The following SYT17 variants were observed in gnomAD, a reference collection of about 807,000 sequenced individuals.
SYT17 encodes synaptotagmin 17, also known as synaptotagmin-17.
In SYT17, 22 loss-of-function variants were observed where a neutral mutation model predicts 46.7. The observed-to-expected ratio is 0.47, with a 90% CI of 0.34 to 0.67. The LOEUF (loss-of-function observed/expected upper bound fraction) is 0.67. SYT17 is among the 30% of genes least tolerant of loss of function. The probability of loss-of-function intolerance (pLI) is 0.01; values close to 1 mark genes in which losing one functional copy is unlikely to be tolerated. For missense variants in SYT17, 519 were observed against 612.8 expected (o/e 0.85, Z 1.62); for synonymous variants, 251 against 248.4 (o/e 1.01, Z -0.10).
At chr16:19,195,400 C>CTT (rs35709095) in intron 5 of SYT17, among the ~76,000 whole-genome samples, 50 of 140,028 alleles carry the variant, frequency 3.6e-4, no homozygotes, top group African/African-American at 1.1e-3. Context: ...CAAAACAAAC[C>CTT]TTTTTTTTTT....
Position 19,168,828 on chromosome 16 carries a change from C to T in SYT17, c.15+167C>T, listed in dbSNP as rs1963968522. ...ACCTGTGCAGCAACAGGGGTGCGCCCCGGGAGGAGAGACTGGGGACCCCCA... is the reference window on the plus strand; with the variant it reads ...ACCTGTGCAGCAACAGGGGTGCGCCTCGGGAGGAGAGACTGGGGACCCCCA... On this transcript the variant is annotated intron_variant, in intron 1 of 7. Coordinates refer to ENST00000355377, the MANE Select transcript of SYT17 (RefSeq NM_016524.4). The surrounding 1 kb of genome is among the most constrained non-coding windows in gnomAD (Gnocchi z 6.9). 6.6e-6 allele frequency among the ~76,000 whole-genome samples: 1 copy of T among 152,080 alleles called. No homozygotes were observed. The highest frequency in any genetic ancestry group is 2.1e-4 in the South Asian group (1 of 4,828).
At chr16:19,258,079 G>A (rs970977276) in intron 7 of SYT17, among the ~76,000 whole-genome samples, 3 of 152,064 alleles carry the variant, frequency 2.0e-5, no homozygotes, top group African/African-American at 7.2e-5. Flanking sequence ...CTCCTATGGT[G>A]AGGAACAAAT....
intron 5 of SYT17, 30 bp from the exon 6 acceptor site, chr16:19,223,015 C>T: frequency 1.2e-6 from 2 of 1,612,608 alleles, no homozygotes; most frequent in Non-Finnish European, 1.7e-6. Context: ...AAGGAGAAGG[C>T]AACTTCCTGA....
intron 5 of SYT17, among the ~76,000 whole-genome samples, chr16:19,221,066 G>A (rs1349553462): frequency 2.0e-5 from 3 of 151,734 alleles, no homozygotes; most frequent in Non-Finnish European, 4.4e-5. Flanking sequence ...GGCACATGCC[G>A]TAATCCCAGC....
rs111599046 is a variant in SYT17 at position 19,206,985 on chromosome 16, A to G, written c.952-16060A>G. On this transcript the variant is annotated intron_variant, in intron 5 of 7. Transcript: ENST00000355377. ...CTAATGGGAGGTATTGGGTCATGGG[A>G]GTGGATCCCTCATGACTGACTAGGT... 6.4e-3 allele frequency among the ~76,000 whole-genome samples: 971 copies of G among 152,222 alleles called. 11 individuals carry two copies. The highest frequency in any genetic ancestry group is 0.022 in the African/African-American group (906 of 41,528).
At chr16:19,232,609 T>C (rs1966741878) in intron 7 of SYT17, among the ~76,000 whole-genome samples, 1 of 151,970 alleles carries the variant, frequency 6.6e-6, no homozygotes, top group African/African-American at 2.4e-5. Flanking sequence ...AGGGGGCGGA[T>C]CGTTTGAGTC....
At chr16:19,232,893 C>A (rs549499557) in intron 7 of SYT17, among the ~76,000 whole-genome samples, 1 of 152,158 alleles carries the variant, frequency 6.6e-6, no homozygotes, top group Non-Finnish European at 1.5e-5. Context: ...CCTACCCCTG[C>A]ACATTGTTTG....
At chr16:19,228,522 A>G (rs1183512486) in intron 7 of SYT17, among the ~76,000 whole-genome samples, 1 of 152,226 alleles carries the variant, frequency 6.6e-6, no homozygotes, top group Non-Finnish European at 1.5e-5. Context: ...GCTGCACTGC[A>G]TTCCGCAGAG....
intron 5 of SYT17, among the ~76,000 whole-genome samples, chr16:19,191,842 T>G (rs758108594): frequency 1.3e-5 from 2 of 152,158 alleles, no homozygotes; most frequent in African/African-American, 2.4e-5. Flanking sequence ...TGGAGTGTAG[T>G]GGCATGATCT....
intron 2 of SYT17, chr16:19,173,023 T>C (rs1964162344): frequency 6.8e-6 from 4 of 584,370 alleles, no homozygotes; most frequent in Non-Finnish European, 1.2e-5. Context: ...CTGTTTCATG[T>C]CACCGAGATT....
At chr16:19,184,436 A>C (rs953003203) in intron 5 of SYT17, among the ~76,000 whole-genome samples, 39 of 150,428 alleles carry the variant, frequency 2.6e-4, no homozygotes, top group African/African-American at 8.8e-4. Context: ...CCCAGGCTGG[A>C]GCGCCGTGGC....
chr16:19,203,525 G>T (rs113989531), intron 5 of SYT17, among the ~76,000 whole-genome samples: 3 of 152,188 alleles, frequency 2.0e-5, no homozygotes, highest in African/African-American at 7.2e-5. Flanking sequence ...CAATGTTTCC[G>T]CTGTGGTTAT....
rs534186908 is a variant in SYT17, at chr16:19,173,191, T to C, written c.34-239T>C. ...AAGAAAATACCTGCAAATGTTTTGC[T>C]TGCTACTAACGGCTCCAGCGAGTTG... On this transcript the variant is annotated intron_variant, in intron 2 of 7. Coordinates refer to ENST00000355377, the MANE Select transcript of SYT17 (RefSeq NM_016524.4). 9.0e-6 allele frequency: 5 copies of C among 557,192 alleles called. No individual in the cohort carries two copies. In the South Asian group the frequency reaches 1.3e-4, roughly 14 times the overall value. The allele number at this position is 557,192 out of a possible 1,614,324, so 34.5% of individuals were successfully genotyped here. A position where few individuals can be genotyped will look rare whatever the true frequency, so the allele number is the denominator to read the frequency against.
intron 5 of SYT17, among the ~76,000 whole-genome samples, chr16:19,221,536 T>A (rs1966318081): frequency 6.6e-6 from 1 of 152,226 alleles, no homozygotes; most frequent in Admixed American, 6.5e-5. Flanking sequence ...TAGCAACTTC[T>A]GAGTTAACAT....
intron 5 of SYT17, among the ~76,000 whole-genome samples, chr16:19,192,476 C>T (rs1266164205): frequency 6.6e-6 from 1 of 151,518 alleles, no homozygotes; most frequent in Non-Finnish European, 1.5e-5. Flanking sequence ...AAAATCCCAA[C>T]ACTTTGGGAA....
intron 7 of SYT17, chr16:19,249,970 C>G (rs1290290318): frequency 6.5e-7 from 1 of 1,536,060 alleles, no homozygotes; most frequent in South Asian, 1.2e-5. Context: ...AGCCTGCGAA[C>G]TGAGTAGTCA....
At chr16:19,246,422 C>G (rs1037255779) in intron 7 of SYT17, among the ~76,000 whole-genome samples, 8 of 152,250 alleles carry the variant, frequency 5.3e-5, no homozygotes, top group Middle Eastern at 3.4e-3. Context: ...ATGAATATCA[C>G]TTATATATTA....
At chr16:19,174,651 A>C (rs1412104177) in intron 3 of SYT17, among the ~76,000 whole-genome samples, 1 of 152,114 alleles carries the variant, frequency 6.6e-6, no homozygotes, top group Non-Finnish European at 1.5e-5. Flanking sequence ...TACTATTTCG[A>C]GTTCTGTGAC....
At chr16:19,222,201 C>CA (rs1567219336) in intron 5 of SYT17, among the ~76,000 whole-genome samples, 1 of 152,126 alleles carries the variant, frequency 6.6e-6, no homozygotes, top group African/African-American at 2.4e-5. Context: ...TACCATTTGG[C>CA]AAAATGTCGA....
Sources: allele counts gnomAD v4.1 joint callset (sites outside exome capture counted in the v4.1 genomes callset), GRCh38; gene constraint gnomAD v4.1.1; non-coding constraint Gnocchi (gnomAD v3.1); transcripts MANE v1.5; gene names NCBI Gene and HGNC (gene_info 2026-07-23, HGNC 2026-07-21).